FAM135A: variants seen among roughly 807,000 people sequenced by gnomAD.
FAM135A encodes the protein protein FAM135A.
FAM135A carries 79 observed loss-of-function variants against 146.8 expected under a neutral mutation model. The observed-to-expected ratio is 0.54, with a 90% CI of 0.45 to 0.65. The LOEUF is 0.65. FAM135A is among the 30% of genes least tolerant of loss of function. The pLI is 0.00. For missense variants in FAM135A, 1,623 were observed against 1,758.2 expected (o/e 0.92, Z 1.38); for synonymous variants, 562 against 603.6 (o/e 0.93, Z 1.01).
chr6:70,456,815 T>C (rs574867333), intron 5 of FAM135A, among the ~76,000 whole-genome samples: 1 of 152,286 alleles, frequency 6.6e-6, no homozygotes, highest in African/African-American at 2.4e-5. Context: ...AAAAATAAAT[T>C]GTGAAAAGAT....
intron 12 of FAM135A, among the ~76,000 whole-genome samples, chr6:70,517,602 A>G (rs1365358006): frequency 1.3e-5 from 2 of 151,872 alleles, no homozygotes; most frequent in African/African-American, 4.8e-5. Flanking sequence ...TATTTTTAGT[A>G]GAGACAGGGT....
chr6:70,531,251 AC>A (rs1795751549), intron 16 of FAM135A, among the ~76,000 whole-genome samples: 1 of 152,182 alleles, frequency 6.6e-6, no homozygotes, highest in Non-Finnish European at 1.5e-5. Context: ...GCATTCCAAA[AC>A]ACTGTTGCCT....
intron 18 of FAM135A, among the ~76,000 whole-genome samples, chr6:70,535,216 G>A (rs1042576705): frequency 6.6e-6 from 1 of 152,144 alleles, no homozygotes; most frequent in Non-Finnish European, 1.5e-5. Flanking sequence ...TGTCCTGAGC[G>A]TCTCGCAAGA....
At position 70,461,949 on chromosome 6, in the gene FAM135A, A is replaced by G. The variant is rs544997204; in HGVS notation, c.157+9378A>G. 8.9e-4 allele frequency among the ~76,000 whole-genome samples: 135 copies of G among 152,296 alleles called. 1 individual carries two copies. Among genetic ancestry groups the G allele is most frequent in the African/African-American group, 3.2e-3 (131 of 41,562 alleles). On this transcript the variant is annotated intron_variant, in intron 5 of 21. Transcript: ENST00000418814. Reference sequence around the variant, plus strand: ...AAATTGTGTAAAGAGATCTAGTACCATGCTCAGTAAATGTCTTTTCCCTGT... The same window carrying G: ...AAATTGTGTAAAGAGATCTAGTACCGTGCTCAGTAAATGTCTTTTCCCTGT...
At chr6:70,458,958 T>C (rs935347012) in intron 5 of FAM135A, among the ~76,000 whole-genome samples, 1 of 152,184 alleles carries the variant, frequency 6.6e-6, no homozygotes, top group Non-Finnish European at 1.5e-5. Flanking sequence ...AGGAAAGGTA[T>C]CCTTTTCTGC....
intron 20 of FAM135A, among the ~76,000 whole-genome samples, chr6:70,541,510 G>T (rs774377775): frequency 9.9e-5 from 15 of 151,646 alleles, no homozygotes; most frequent in Non-Finnish European, 1.5e-4. Flanking sequence ...CTTTTTTTCT[G>T]CTTCCTATAT....
At chr6:70,418,662 T>C (rs1768074897) in intron 2 of FAM135A, among the ~76,000 whole-genome samples, 1 of 152,214 alleles carries the variant, frequency 6.6e-6, no homozygotes, top group African/African-American at 2.4e-5. Flanking sequence ...TGACTGAGCA[T>C]GTTTAGTCTC....
At position 70,558,888 on chromosome 6, in the gene FAM135A, CAGA is replaced by C. The variant is rs367991937; in HGVS notation, c.4343-824_4343-822del. Reference sequence around the variant, plus strand: ...GTACTAAATAAACCTATAGACCAAACAGAAGATCATGTTACTTGAGCCAAGCTC... The same window carrying C: ...GTACTAAATAAACCTATAGACCAAACAGATCATGTTACTTGAGCCAAGCTC... On this transcript the variant is annotated intron_variant, in intron 21 of 21. Transcript: ENST00000418814. Among the ~76,000 whole-genome samples the C allele has an allele frequency of 3.9e-4, 59 of 152,248 alleles. 2 individuals carry two copies. In the South Asian group the frequency reaches 0.011, roughly 28 times the overall value.
At chr6:70,437,921 T>G (rs940742992) in intron 4 of FAM135A, among the ~76,000 whole-genome samples, 5 of 152,190 alleles carry the variant, frequency 3.3e-5, no homozygotes, top group African/African-American at 1.2e-4. Context: ...TTGTGAAATT[T>G]CTTTCATAAA....
intron 4 of FAM135A, among the ~76,000 whole-genome samples, chr6:70,428,724 A>G (rs1198329575): frequency 6.6e-6 from 1 of 152,206 alleles, no homozygotes; most frequent in Non-Finnish European, 1.5e-5. Context: ...ATGGGAAAAA[A>G]TAAGACATGC....
At chr6:70,439,501 C>T (rs746626806) in intron 4 of FAM135A, among the ~76,000 whole-genome samples, 1 of 152,012 alleles carries the variant, frequency 6.6e-6, no homozygotes, top group African/African-American at 2.4e-5. Context: ...TCCTTGTATT[C>T]TATATTAATT....
intron 5 of FAM135A, among the ~76,000 whole-genome samples, chr6:70,462,532 G>A (rs2128102976): frequency 6.6e-6 from 1 of 152,056 alleles, no homozygotes; most frequent in South Asian, 2.1e-4. Context: ...GATAATGTGT[G>A]GGGAAGGTCT....
At chr6:70,518,270 G>A (rs920972352) in intron 12 of FAM135A, among the ~76,000 whole-genome samples, 2 of 151,896 alleles carry the variant, frequency 1.3e-5, no homozygotes, top group African/African-American at 2.4e-5. Context: ...ATCCACAGCA[G>A]GGTCCTAACT....
intron 4 of FAM135A, among the ~76,000 whole-genome samples, chr6:70,448,667 C>A (rs1267976239): frequency 1.3e-5 from 2 of 152,092 alleles, no homozygotes; most frequent in Non-Finnish European, 2.9e-5. Context: ...GAGCTGAGAG[C>A]CCCGAACAAA....
chr6:70,479,842 TTTGC>T (rs1204889767), intron 8 of FAM135A, among the ~76,000 whole-genome samples: 1 of 152,200 alleles, frequency 6.6e-6, no homozygotes, highest in African/African-American at 2.4e-5. Context: ...GATTTCTTTC[TTTGC>T]TTGCTTTTTA....
At chr6:70,460,180 G>C (rs988051800) in intron 5 of FAM135A, among the ~76,000 whole-genome samples, 2 of 152,128 alleles carry the variant, frequency 1.3e-5, no homozygotes, top group Non-Finnish European at 2.9e-5. Context: ...ATGATAAAAA[G>C]ACTATTTATC....
chr6:70,413,959 C>T (rs961175013), intron 1 of FAM135A: 17 of 985,550 alleles, frequency 1.7e-5, no homozygotes, highest in Non-Finnish European at 1.9e-5. Flanking sequence ...CCGCGGCCGC[C>T]CCTGCCCCTG....
At chr6:70,527,567 T>C (rs1311759303) in intron 15 of FAM135A, among the ~76,000 whole-genome samples, 1 of 152,160 alleles carries the variant, frequency 6.6e-6, no homozygotes, top group Non-Finnish European at 1.5e-5. Context: ...TGATCTCTAA[T>C]ATAGACTTTA....
intron 4 of FAM135A, among the ~76,000 whole-genome samples, chr6:70,438,507 A>G (rs2127909904): frequency 6.6e-6 from 1 of 152,324 alleles, no homozygotes; most frequent in South Asian, 2.1e-4. Flanking sequence ...TCTATGTTGC[A>G]TATACCACCA....
Sources: gnomAD v4.1 joint callset for allele counts (sites outside exome capture counted in the v4.1 genomes callset) on GRCh38, gnomAD v4.1.1 for gene constraint, MANE v1.5 for transcripts, NCBI Gene and HGNC (gene_info 2026-07-23, HGNC 2026-07-21) for gene names.